Variants in ZNF613 observed in about 807,000 individuals in gnomAD.
ZNF613 encodes the protein zinc finger protein 613.
A neutral mutation model predicts 14.3 loss-of-function variants in ZNF613; 8 were observed. The observed-to-expected ratio is 0.56, with a 90% CI of 0.33 to 1.01. ZNF613 has a LOEUF of 1.01. Among genes scored for constraint, ZNF613 ranks in the 50% least tolerant of loss-of-function variants. ZNF613 has a pLI of 0.03. For synonymous variants in ZNF613, 228 were observed against 254.5 expected, an observed-to-expected ratio of 0.90 and a Z score of 0.99; for missense variants, 656 against 741.9, an observed-to-expected ratio of 0.88 and a Z score of 1.35.
In ZNF613 at chr19:51,945,675, A is replaced by G. The variant is rs1433352216; in HGVS notation, c.1792A>G (p.Ile598Val). 1.9e-6 allele frequency: 3 copies of G among 1,614,080 alleles called. No homozygotes were observed. The highest frequency in any genetic ancestry group is 1.3e-5 in the African/African-American group (1 of 74,934). The change falls in exon 6 of 6, where the codon ATT becomes GTT. Residue 598 changes from isoleucine to valine, a missense_variant. Ile to Val is a conservative substitution (Grantham distance 29). Transcript: ENST00000293471. ...SAFQAESKVA[I>V]VSQPVARSSV... is the part of the protein sequence containing the mutation. ...GTTCCAAGCAGAGAGCAAAGTAGCCATTGTGAGCCAGCCTGTTGCCAGAAG... is the reference window on the plus strand; with the variant it reads ...GTTCCAAGCAGAGAGCAAAGTAGCCGTTGTGAGCCAGCCTGTTGCCAGAAG...
chr19:51,937,208 A>G (rs1221771197), intron 3 of ZNF613, among the ~76,000 whole-genome samples: 1 of 152,214 alleles, frequency 6.6e-6, no homozygotes, highest in Non-Finnish European at 1.5e-5. Context: ...TTGAACCTCA[A>G]GGTGGGTTGC....
chr19:51,944,226 C>G lies in ZNF613; in HGVS notation c.343C>G (p.Gln115Glu), dbSNP rs2085373448. The change falls in exon 6 of 6, where the codon CAG becomes GAG. Residue 115 changes from glutamine (Q) to glutamate (E), a missense_variant. Coordinates refer to ENST00000293471, the MANE Select transcript of ZNF613 (RefSeq NM_001031721.4). ...KHNAFGNIIH[Q>E]RKSDFPLRQN... ...TAATGCATTTGGAAACATCATTCAT[C>G]AGAGGAAAAGTGATTTTCCTTTAAG... 1.9e-6 allele frequency: 3 copies of G among 1,610,224 alleles called. No homozygotes were observed. Among genetic ancestry groups the G allele is most frequent in the Non-Finnish European group, 2.5e-6 (3 of 1,177,716 alleles).
In ZNF613 at chr19:51,945,960, C is replaced by G. The variant is rs1223938048; in HGVS notation, c.*223C>G. ...TCTCATCAGTGACCATAGATCACAT[C>G]TTCAGTGAGCTTATAGTTGGTAGAA... is the stretch of plus-strand genomic sequence containing the variant. On this transcript the variant is annotated 3_prime_UTR_variant, in exon 6 of 6. Coordinates refer to ENST00000293471, the MANE Select transcript of ZNF613 (RefSeq NM_001031721.4). 9.1e-6 allele frequency: 5 copies of G among 549,606 alleles called. No homozygotes were observed. The highest frequency in any genetic ancestry group is 1.6e-5 in the Non-Finnish European group (5 of 308,128). The allele number at this position is 549,606 out of a possible 1,614,324, so 34.0% of individuals were successfully genotyped here. A position where few individuals can be genotyped will look rare whatever the true frequency, so the allele number is the denominator to read the frequency against.
At chr19:51,927,576 G>C (rs1383537974) in intron 1 of ZNF613, 36 bp downstream of exon 1, 1 of 152,880 alleles carries the variant, frequency 6.5e-6, no homozygotes, top group African/African-American at 2.4e-5. Context: ...GATGAGGGGA[G>C]GAGGGTGTCT....
chr19:51,936,473 A>T (rs189745623), intron 3 of ZNF613, among the ~76,000 whole-genome samples: 12 of 152,224 alleles, frequency 7.9e-5, no homozygotes, highest in Middle Eastern at 3.4e-3. Context: ...AAACCCTTGG[A>T]ATTTCCTGAA....
chr19:51,939,474 A>G (rs1260175172), intron 3 of ZNF613, among the ~76,000 whole-genome samples: 1 of 151,936 alleles, frequency 6.6e-6, no homozygotes, highest in Non-Finnish European at 1.5e-5. Context: ...GATTACAGGC[A>G]TGCACCACCA....
chr19:51,944,084 C>T, intron 5 of ZNF613, 35 bp from the exon 6 acceptor site: 1 of 1,484,056 alleles, frequency 6.7e-7, no homozygotes, highest in Non-Finnish European at 9.0e-7. Flanking sequence ...CTATTCCATG[C>T]TCATGGAAAG....
intron 5 of ZNF613, among the ~76,000 whole-genome samples, chr19:51,942,992 C>T (rs777987435): frequency 1.3e-5 from 2 of 152,140 alleles, no homozygotes; most frequent in Non-Finnish European, 2.9e-5. Flanking sequence ...CCACTGCATC[C>T]GGCCATGACT....
chr19:51,935,293 G>A (rs1177579760), intron 2 of ZNF613, among the ~76,000 whole-genome samples: 1 of 152,198 alleles, frequency 6.6e-6, no homozygotes, highest in African/African-American at 2.4e-5. Context: ...CAGATTATAT[G>A]TCTATGACAG....
Position 51,940,706 on chromosome 19 carries a change from C to G in ZNF613, c.232C>G (p.Pro78Ala). The stretch of plus-strand genomic sequence containing the variant: ...AAATGAAATCCACAGCCAAATCTGT[C>G]CAGGTGAGTTCAGGGTGAGAGCCAG... The part of the protein sequence containing the change: ...VENEIHSQIC[P>A]EIKKVDNHLQ... Residue 78 changes from proline (P) to alanine (A), a missense_variant, in exon 5 of 6, where the codon CCA becomes GCA. Physicochemically the swap from Pro to Ala is conservative, Grantham distance 27. Transcript: ENST00000293471. The G allele has an allele frequency of 6.2e-7, 1 of 1,611,396 alleles. No homozygotes were observed.
chr19:51,943,749 C>T (rs1307287636), intron 5 of ZNF613, among the ~76,000 whole-genome samples: 1 of 151,594 alleles, frequency 6.6e-6, no homozygotes, highest in Non-Finnish European at 1.5e-5. Context: ...TGGAACATAT[C>T]GCCCATAGAT....
intron 2 of ZNF613, among the ~76,000 whole-genome samples, chr19:51,932,493 C>T (rs2085274221): frequency 1.3e-5 from 2 of 150,162 alleles, no homozygotes; most frequent in Non-Finnish European, 1.5e-5. Context: ...GACCGGGTTT[C>T]TCCATGTTGG....
chr19:51,928,191 G>A (rs2085233592), intron 1 of ZNF613, among the ~76,000 whole-genome samples: 1 of 152,176 alleles, frequency 6.6e-6, no homozygotes, highest in South Asian at 2.1e-4. Flanking sequence ...GCCTCCCAAA[G>A]TGCTGGGATT....
intron 5 of ZNF613, among the ~76,000 whole-genome samples, chr19:51,940,924 ATTTTAT>A (rs1379252006): frequency 6.6e-6 from 1 of 151,580 alleles, no homozygotes; most frequent in East Asian, 1.9e-4. Context: ...TTTTTTATTT[ATTTTAT>A]TTTATTTATT....
Position 51,940,980 on chromosome 19 carries a change from G to C in ZNF613, c.235+271G>C, listed in dbSNP as rs2085344809. On this transcript the variant is annotated intron_variant, in intron 5 of 5. Coordinates refer to ENST00000293471, the MANE Select transcript of ZNF613 (RefSeq NM_001031721.4). ...GAGTCTCACTCTGTCACCCAGGCTAGAGCCCAGTGGTGCAATCTTGGCTCA... is the reference window on the plus strand; with the variant it reads ...GAGTCTCACTCTGTCACCCAGGCTACAGCCCAGTGGTGCAATCTTGGCTCA... 5.3e-5 allele frequency among the ~76,000 whole-genome samples: 8 copies of C among 151,934 alleles called. No individual in the cohort carries two copies. In the South Asian group the frequency reaches 1.7e-3, roughly 32 times the overall value.
chr19:51,935,091 G>A (rs1005042345), intron 2 of ZNF613, among the ~76,000 whole-genome samples: 1 of 152,116 alleles, frequency 6.6e-6, no homozygotes, highest in African/African-American at 2.4e-5. Context: ...TGGAAGGAAA[G>A]CTTAGGGTGA....
intron 1 of ZNF613, 142 bp downstream of exon 1, chr19:51,927,682 C>G (rs1406353256): frequency 6.5e-6 from 1 of 152,904 alleles, no homozygotes; most frequent in African/African-American, 2.4e-5. Flanking sequence ...CCGGAGTCAG[C>G]CCTGAGGGAT....
chr19:51,928,308 T>C (rs2085234606), intron 1 of ZNF613, among the ~76,000 whole-genome samples: 1 of 152,076 alleles, frequency 6.6e-6, no homozygotes, highest in African/African-American at 2.4e-5. Flanking sequence ...GGTTTTTGGA[T>C]TAATCTAAGG....
chr19:51,944,077 T>G (rs751049888), intron 5 of ZNF613, 42 bp from the exon 6 acceptor site: 6 of 1,491,626 alleles, frequency 4.0e-6, no homozygotes, highest in Non-Finnish European at 8.9e-7. Context: ...AATAGTTCTA[T>G]TCCATGCTCA....
Sources: gnomAD v4.1 joint callset for allele counts (sites outside exome capture counted in the v4.1 genomes callset) on GRCh38, gnomAD v4.1.1 for gene constraint, MANE v1.5 for transcripts, NCBI Gene and HGNC (gene_info 2026-07-23, HGNC 2026-07-21) for gene names.